CD93: variants seen among roughly 807,000 people sequenced by gnomAD.
CD93 encodes CD93 molecule.
In CD93, 44 loss-of-function variants were observed where a neutral mutation model predicts 45.5. The ratio of observed to expected loss-of-function variants is 0.97; its 90% CI spans 0.76 to 1.24. CD93 has a LOEUF of 1.24. Ranked by LOEUF, CD93 falls within the 50% of genes most tolerant of loss-of-function variation. The pLI, the probability that CD93 is intolerant of heterozygous loss-of-function variation, is 0.00. For missense variants in CD93, 918 were observed against 844.5 expected (o/e 1.09, Z -1.08); for synonymous variants, 431 against 370.8 (o/e 1.16, Z -1.87).
intron 1 of CD93, 91 bp downstream of exon 1, chr20:23,084,168 T>A: frequency 6.6e-7 from 1 of 1,515,892 alleles, no homozygotes; most frequent in East Asian, 2.3e-5. Context: ...ACAGGAAACC[T>A]GGGCCTGCTC....
Position 23,084,488 on chromosome 20 carries a change from C to T in CD93, c.1705G>A (p.Ala569Thr), listed in dbSNP as rs1568677494. 3 of 1,614,144 alleles carry T rather than the reference C, an allele frequency of 1.9e-6. No individual in the cohort carries two copies. The highest frequency in any genetic ancestry group is 2.2e-5 in the East Asian group (1 of 44,872). The change falls in exon 1 of 2, where the codon GCC becomes ACC. Residue 569 changes from alanine to threonine, a missense_variant. Transcript: ENST00000246006. ...TCAGTGCCATCGTTGTTTTGTGTGG[C>T]CACGGAGGAGTCCCCACCTGCAGGC... ...QEPAGGDSSV[A>T]TQNNDGTDGQ...
At position 23,086,080 on chromosome 20, in the gene CD93, G is replaced by C; in HGVS notation, c.113C>G (p.Thr38Arg). 6.2e-7 allele frequency: 1 copy of C among 1,601,004 alleles called. No individual in the cohort carries two copies. Among genetic ancestry groups the C allele is most frequent in the Non-Finnish European group, 8.5e-7 (1 of 1,178,912 alleles). Residue 38 changes from threonine to arginine, a missense_variant, in exon 1 of 2, where the codon ACG (threonine) becomes AGG (arginine). Physicochemically the swap from Thr to Arg is moderately conservative, Grantham distance 71 (BLOSUM62 -1). Transcript: ENST00000246006. ...AVVCVGTACY[T>R]AHSGKLSAAE... is the part of the protein sequence containing the mutation. ...AGCGCTCAGCTTGCCCGAGTGGGCC[G>C]TGTAGCAGGCGGTCCCCACGCAGAC...
Position 23,083,848 on chromosome 20 carries a change from G to A in CD93, c.*102C>T. 1 of 1,043,154 alleles carries A rather than the reference G, an allele frequency of 9.6e-7. No individual in the cohort carries two copies. Among genetic ancestry groups the A allele is most frequent in the East Asian group, 2.4e-5 (1 of 42,262 alleles). 64.6% of individuals were successfully genotyped at this position (1,043,154 alleles called of 1,614,324 possible). A position where few individuals can be genotyped will look rare whatever the true frequency, so the allele number is the denominator to read the frequency against. On this transcript the variant is annotated 3_prime_UTR_variant, in exon 2 of 2. Coordinates refer to ENST00000246006, the MANE Select transcript of CD93 (RefSeq NM_012072.4). Reference sequence around the variant, plus strand: ...CTTACAATTGTTTGCTAAGATTCCAGTCCAGTCTTTCAAAAAAATGTGGGT... The same window carrying A: ...CTTACAATTGTTTGCTAAGATTCCAATCCAGTCTTTCAAAAAAATGTGGGT...
At position 23,084,725 on chromosome 20, in the gene CD93, C is replaced by T. The variant is rs1985427074; in HGVS notation, c.1468G>A (p.Glu490Lys). ...GCAGCACGGGGCACGGTGCTCCCTT[C>T]TTTCTCTCCTTTGTCCTCCTCATCG... ...PPDEEDKGEK[E>K]GSTVPRAATA... The change falls in exon 1 of 2, where the codon GAA becomes AAA. Residue 490 changes from glutamate (E) to lysine (K), a missense_variant. Transcript: ENST00000246006. 1 of 1,600,200 alleles carries T rather than the reference C, an allele frequency of 6.2e-7. No homozygotes were observed. Among genetic ancestry groups the T allele is most frequent in the Non-Finnish European group, 8.5e-7 (1 of 1,174,122 alleles).
rs1444715274 is a variant in CD93 at position 23,079,820 on chromosome 20, C to T, written c.*4130G>A. 6.6e-6 allele frequency: 1 copy of T among 151,668 alleles called. No individual in the cohort carries two copies. The highest frequency in any genetic ancestry group is 1.9e-4 in the East Asian group (1 of 5,178). 9.4% of individuals were successfully genotyped at this position (151,668 alleles called of 1,614,324 possible). ...CAATAAAGGGATTCCAGAGCTTCTA[C>T]CTAAAATAGAAGGGCATTATCTACA... On this transcript the variant is annotated 3_prime_UTR_variant, in exon 2 of 2. Transcript: ENST00000246006.
Position 23,079,465 on chromosome 20 carries a change from C to G in CD93, c.*4485G>C, listed in dbSNP as rs1985268389. The G allele has an allele frequency of 6.6e-6, 1 of 152,238 alleles. No individual in the cohort carries two copies. The highest frequency in any genetic ancestry group is 6.5e-5 in the Admixed American group (1 of 15,282). The allele number at this position is 152,238 out of a possible 1,614,324, so 9.4% of individuals were successfully genotyped here. A position where few individuals can be genotyped will look rare whatever the true frequency, so the allele number is the denominator to read the frequency against. ...CTCAAAGCACCATTTTGTTAGAACT[C>G]AGAGGAGAAGCTCGATCTCTGAGCC... On this transcript the variant is annotated 3_prime_UTR_variant, in exon 2 of 2. Coordinates refer to ENST00000246006, the MANE Select transcript of CD93 (RefSeq NM_012072.4).
rs2749813 is a variant in CD93, at chr20:23,082,347, T to C, written c.*1603A>G. 0.61 allele frequency: 92,030 copies of C among 152,054 alleles called. 28,649 individuals carry two copies. Among genetic ancestry groups the C allele is most frequent in the Middle Eastern group, 0.74 (218 of 294 alleles). The allele number at this position is 152,054 out of a possible 1,614,324, so 9.4% of individuals were successfully genotyped here. A position where few individuals can be genotyped will look rare whatever the true frequency, so the allele number is the denominator to read the frequency against. On this transcript the variant is annotated 3_prime_UTR_variant, in exon 2 of 2. Transcript: ENST00000246006. ...TGCTAAGGCAAAACCAGAAACACCC[T>C]TTCTCTGAGGCTTTGGGGCCTTGGA...
Position 23,085,258 on chromosome 20 carries a change from C to A in CD93, c.935G>T (p.Arg312Leu). The A allele has an allele frequency of 1.2e-6, 2 of 1,613,190 alleles. No homozygotes were observed. Among genetic ancestry groups the A allele is most frequent in the African/African-American group, 1.3e-5 (1 of 75,034 alleles). The part of the protein sequence containing the change: ...SRNPCSSSPC[R>L]GGATCVLGPH... ...TCCCAGGACGCACGTGGCCCCCCCA[C>A]GACATGGGCTGGAGCTGCAAGGGTT... The change falls in exon 1 of 2, where the codon CGT (arginine) becomes CTT (leucine). Residue 312 changes from arginine (R) to leucine (L), a missense_variant. Coordinates refer to ENST00000246006, the MANE Select transcript of CD93 (RefSeq NM_012072.4).
At position 23,085,269 on chromosome 20, in the gene CD93, G is replaced by A. The variant is rs1985457244; in HGVS notation, c.924C>T (p.Ser308=). The A allele has an allele frequency of 5.0e-6, 8 of 1,613,814 alleles. No individual in the cohort carries two copies. The East Asian group carries it at 1.3e-4, about 27-fold the overall frequency. ...ACGTGGCCCCCCCACGACATGGGCT[G>A]GAGCTGCAAGGGTTTCGAGAGGCAC... ...VTCASRNPCS[S]SPCRGGATCV... is the part of the protein sequence containing the mutation. Residue 308 remains serine, a synonymous_variant, in exon 1 of 2, where the codon TCC becomes TCT. Transcript: ENST00000246006.
chr20:23,086,103 G>A lies in CD93; in HGVS notation c.90C>T (p.Val30=), dbSNP rs1339613895. 1 of 1,594,540 alleles carries A rather than the reference G, an allele frequency of 6.3e-7. No homozygotes were observed. Among genetic ancestry groups the A allele is most frequent in the Non-Finnish European group, 8.5e-7 (1 of 1,177,202 alleles). The change falls in exon 1 of 2, where the codon GTC becomes GTT. Residue 30 remains valine (V), a synonymous_variant. Coordinates refer to ENST00000246006, the MANE Select transcript of CD93 (RefSeq NM_012072.4). ...AGTGADTEAV[V]CVGTACYTAH... ...CCGTGTAGCAGGCGGTCCCCACGCAGACCACCGCCTCCGTGTCAGCTCCCG... is the reference window on the plus strand; with the variant it reads ...CCGTGTAGCAGGCGGTCCCCACGCAAACCACCGCCTCCGTGTCAGCTCCCG...
Position 23,086,009 on chromosome 20 carries a change from T to A in CD93, c.184A>T (p.Thr62Ser), listed in dbSNP as rs200399999. Residue 62 changes from threonine to serine, a missense_variant, in exon 1 of 2, where the codon ACT (threonine) becomes TCT (serine). Thr to Ser is a moderately conservative substitution (Grantham distance 58, BLOSUM62 1). Coordinates refer to ENST00000246006, the MANE Select transcript of CD93 (RefSeq NM_012072.4). ...HCNQNGGNLA[T>S]VKSKEEAQHV... ...TGGGCCTCCTCCTTGCTCTTCACAG[T>A]GGCCAGGTTGCCCCCGTTCTGGTTG... 1.0e-3 allele frequency: 1,640 copies of A among 1,610,556 alleles called. 20 individuals carry two copies. In the South Asian group the frequency reaches 0.017, roughly 17 times the overall value.
chr20:23,081,860 G>A lies in CD93; in HGVS notation c.*2090C>T, dbSNP rs867154416. The A allele has an allele frequency of 3.3e-5, 5 of 152,190 alleles. No individual in the cohort carries two copies. The highest frequency in any genetic ancestry group is 2.1e-4 in the South Asian group (1 of 4,832). The allele number at this position is 152,190 out of a possible 1,614,324, so 9.4% of individuals were successfully genotyped here. A position where few individuals can be genotyped will look rare whatever the true frequency, so the allele number is the denominator to read the frequency against. On this transcript the variant is annotated 3_prime_UTR_variant, in exon 2 of 2. Transcript: ENST00000246006. ...ATGTCTCCTTCACCCCAAATGATAA[G>A]GGCAAGGATTTTCAAGGCCCAGAGG...
At position 23,084,461 on chromosome 20, in the gene CD93, C is replaced by T. The variant is rs781710486; in HGVS notation, c.1732G>A (p.Gly578Arg). Residue 578 changes from glycine (G) to arginine (R), a missense_variant, in exon 1 of 2, where the codon GGG becomes AGG. Coordinates refer to ENST00000246006, the MANE Select transcript of CD93 (RefSeq NM_012072.4). ...VATQNNDGTD[G>R]QKLLLFYILG... ...ATGTAGAATAAAAGCAGCTTTTGCC[C>T]GTCAGTGCCATCGTTGTTTTGTGTG... 6.8e-6 allele frequency: 11 copies of T among 1,614,218 alleles called. No homozygotes were observed. The highest frequency in any genetic ancestry group is 6.7e-5 in the East Asian group (3 of 44,868).
In CD93 at chr20:23,086,071, G is replaced by T; in HGVS notation, c.122C>A (p.Ser41Ter). ...CVGTACYTAHSGKLSAAEAQN... is the reference protein window; with the variant it reads ...CVGTACYTAH ...GGCCTCGGCAGCGCTCAGCTTGCCC[G>T]AGTGGGCCGTGTAGCAGGCGGTCCC... is the stretch of plus-strand genomic sequence containing the variant. Residue 41 changes from serine to a stop codon, truncating the protein, a stop_gained, in exon 1 of 2, where the codon TCG (serine) becomes TAG (stop). Transcript: ENST00000246006. LOFTEE classifies it high-confidence loss of function. 2 of 1,603,230 alleles carry T rather than the reference G, an allele frequency of 1.2e-6. No homozygotes were observed. The highest frequency in any genetic ancestry group is 1.7e-6 in the Non-Finnish European group (2 of 1,179,148).
In CD93 at chr20:23,084,940, G is replaced by A; in HGVS notation, c.1253C>T (p.Ala418Val). Residue 418 changes from alanine to valine, a missense_variant, in exon 1 of 2, where the codon GCC becomes GTC. By Grantham distance (64) the Ala-to-Val change is moderately conservative. Coordinates refer to ENST00000246006, the MANE Select transcript of CD93 (RefSeq NM_012072.4). ...CTGGCACTGAGTCCCGTCCTCCCCG[G>A]CCAGGACGTAGCCCTCCTCACAGGA... is the stretch of plus-strand genomic sequence containing the variant. The part of the protein sequence containing the change: ...HCSCEEGYVL[A>V]GEDGTQCQDV... The A allele has an allele frequency of 6.2e-7, 1 of 1,613,524 alleles. No individual in the cohort carries two copies. Among genetic ancestry groups the A allele is most frequent in the Non-Finnish European group, 8.5e-7 (1 of 1,179,970 alleles).
chr20:23,084,577 C>A lies in CD93; in HGVS notation c.1616G>T (p.Gly539Val). The A allele has an allele frequency of 6.2e-7, 1 of 1,612,034 alleles. No individual in the cohort carries two copies. The highest frequency in any genetic ancestry group is 8.5e-7 in the Non-Finnish European group (1 of 1,178,784). The change falls in exon 1 of 2, where the codon GGG (glycine) becomes GTG (valine). Residue 539 changes from glycine to valine, a missense_variant. Gly to Val is a moderately radical substitution (Grantham distance 109). Coordinates refer to ENST00000246006, the MANE Select transcript of CD93 (RefSeq NM_012072.4). ...GGGCTCCCTCCAGACGCCTGGGGACCCACTGGGGGCCAGCATCTTGAGTGG... is the reference window on the plus strand; with the variant it reads ...GGGCTCCCTCCAGACGCCTGGGGACACACTGGGGGCCAGCATCTTGAGTGG... ...SAPLKMLAPS[G>V]SPGVWREPSI... is the part of the protein sequence containing the mutation.
rs755177107 is a variant in CD93 at position 23,085,249 on chromosome 20, G to C, written c.944C>G (p.Ala315Gly). 1.4e-5 allele frequency: 23 copies of C among 1,612,352 alleles called. No homozygotes were observed. The highest frequency in any genetic ancestry group is 1.8e-5 in the Non-Finnish European group (21 of 1,179,286). ...PCSSSPCRGG[A>G]TCVLGPHGKN... is the part of the protein sequence containing the mutation. Reference sequence around the variant, plus strand: ...CCCATGGGGTCCCAGGACGCACGTGGCCCCCCCACGACATGGGCTGGAGCT... The same window carrying C: ...CCCATGGGGTCCCAGGACGCACGTGCCCCCCCCACGACATGGGCTGGAGCT... The change falls in exon 1 of 2, where the codon GCC becomes GGC. Residue 315 changes from alanine to glycine, a missense_variant. Ala to Gly is a moderately conservative substitution (Grantham distance 60). Coordinates refer to ENST00000246006, the MANE Select transcript of CD93 (RefSeq NM_012072.4).
chr20:23,086,197 G>C lies in CD93; in HGVS notation c.-5C>G. The stretch of plus-strand genomic sequence containing the variant: ...CAGGCCCATGGAGGTGGCCATCCCG[G>C]TCTCTGTGTGGCCCTCTGCGGGAGG... On this transcript the variant is annotated 5_prime_UTR_variant, in exon 1 of 2. Transcript: ENST00000246006. The C allele has an allele frequency of 6.6e-7, 1 of 1,525,648 alleles. No individual in the cohort carries two copies. The highest frequency in any genetic ancestry group is 8.8e-7 in the Non-Finnish European group (1 of 1,140,716). The allele number at this position is 1,525,648 out of a possible 1,614,324, so 94.5% of individuals were successfully genotyped here. A position where few individuals can be genotyped will look rare whatever the true frequency, so the allele number is the denominator to read the frequency against.
chr20:23,083,697 G>A lies in CD93; in HGVS notation c.*253C>T. On this transcript the variant is annotated 3_prime_UTR_variant, in exon 2 of 2. Coordinates refer to ENST00000246006, the MANE Select transcript of CD93 (RefSeq NM_012072.4). Reference sequence around the variant, plus strand: ...CACATTGGAATTTGAAAAGGGAGGGGGAGTAACAATCATTATAGAGTCACG... The same window carrying A: ...CACATTGGAATTTGAAAAGGGAGGGAGAGTAACAATCATTATAGAGTCACG... 1 of 565,224 alleles carries A rather than the reference G, an allele frequency of 1.8e-6. No individual in the cohort carries two copies. Among genetic ancestry groups the A allele is most frequent in the Non-Finnish European group, 3.2e-6 (1 of 315,706 alleles). The allele number at this position is 565,224 out of a possible 1,614,324, so 35.0% of individuals were successfully genotyped here. A position where few individuals can be genotyped will look rare whatever the true frequency, so the allele number is the denominator to read the frequency against.
Sources: gnomAD v4.1 joint callset for allele counts on GRCh38, gnomAD v4.1.1 for gene constraint, MANE v1.5 for transcripts, NCBI Gene and HGNC (gene_info 2026-07-23, HGNC 2026-07-21) for gene names.